The following IMMP2L variants were observed in gnomAD, a reference collection of about 807,000 sequenced individuals.
The protein encoded by IMMP2L is inner mitochondrial membrane peptidase subunit 2, also known as mitochondrial inner membrane protease subunit 2.
IMMP2L carries 18 observed loss-of-function variants against 19.3 expected under a neutral mutation model. The observed-to-expected ratio is 0.93, with a 90% CI of 0.64 to 1.38. The LOEUF is 1.38. IMMP2L is among the 40% of genes most tolerant of loss of function. The probability of loss-of-function intolerance (pLI) is 0.00; values close to 1 mark genes in which losing one functional copy is unlikely to be tolerated. For missense variants in IMMP2L, 233 were observed against 218.2 expected, an observed-to-expected ratio of 1.07 and a Z score of -0.43; for synonymous variants, 76 against 73.0, an observed-to-expected ratio of 1.04 and a Z score of -0.21.
intron 3 of IMMP2L, among the ~76,000 whole-genome samples, chr7:111,479,331 TTTCTAATCC>T (rs1307067287): frequency 6.6e-6 from 1 of 152,170 alleles, no homozygotes; most frequent in Non-Finnish European, 1.5e-5. Context: ...TATATATATT[TTTCTAATCC>T]AGTTTTTTTC....
At chr7:110,908,009 AGT>A (rs1238802523) in intron 4 of IMMP2L, among the ~76,000 whole-genome samples, 8 of 152,176 alleles carry the variant, frequency 5.3e-5, no homozygotes, top group African/African-American at 1.9e-4. Context: ...AAGAGGGAGG[AGT>A]TAAAGACATT....
At chr7:110,880,827 G>A (rs1218339625) in intron 5 of IMMP2L, among the ~76,000 whole-genome samples, 3 of 152,000 alleles carry the variant, frequency 2.0e-5, no homozygotes, top group Admixed American at 6.6e-5. Flanking sequence ...TAATTAAACG[G>A]CCCAAAGGAA....
At chr7:110,977,702 T>C (rs1820845269) in intron 3 of IMMP2L, among the ~76,000 whole-genome samples, 2 of 151,472 alleles carry the variant, frequency 1.3e-5, no homozygotes, top group African/African-American at 4.8e-5. Flanking sequence ...TCTTCCTTTC[T>C]CTCTCTCTCT....
intron 3 of IMMP2L, among the ~76,000 whole-genome samples, chr7:111,243,180 C>G (rs1815351878): frequency 6.6e-6 from 1 of 152,004 alleles, no homozygotes. Flanking sequence ...CCTTGCTCAC[C>G]AGCCATTCAA....
intron 5 of IMMP2L, among the ~76,000 whole-genome samples, chr7:110,884,609 A>G (rs1585135024): frequency 6.6e-6 from 1 of 152,204 alleles, no homozygotes; most frequent in South Asian, 2.1e-4. Context: ...CACGCAATGG[A>G]AACATTTCAT....
intron 3 of IMMP2L, among the ~76,000 whole-genome samples, chr7:111,377,442 T>A (rs1329605083): frequency 6.6e-6 from 1 of 151,984 alleles, no homozygotes; most frequent in African/African-American, 2.4e-5. Context: ...CCCTCTATAA[T>A]ACAGCTCTAT....
intron 3 of IMMP2L, among the ~76,000 whole-genome samples, chr7:110,984,226 A>G (rs1443062907): frequency 6.6e-6 from 1 of 151,920 alleles, no homozygotes; most frequent in Non-Finnish European, 1.5e-5. Flanking sequence ...GTCACGTCAG[A>G]TATCAGATTA....
intron 3 of IMMP2L, among the ~76,000 whole-genome samples, chr7:111,224,484 T>C (rs1812865381): frequency 1.3e-5 from 2 of 152,084 alleles, no homozygotes; most frequent in African/African-American, 4.8e-5. Flanking sequence ...AAAGGTGTTT[T>C]AAATACCATC....
intron 2 of IMMP2L, among the ~76,000 whole-genome samples, chr7:111,506,137 C>T (rs1304513456): frequency 1.3e-5 from 2 of 151,080 alleles, no homozygotes; most frequent in Admixed American, 6.6e-5. Context: ...TCCAGGACTT[C>T]GAGGCTGATT....
intron 3 of IMMP2L, among the ~76,000 whole-genome samples, chr7:111,471,944 C>G (rs1315121294): frequency 6.6e-6 from 1 of 151,950 alleles, no homozygotes; most frequent in Admixed American, 6.6e-5. Context: ...GAAACAAAAC[C>G]CAGACTAGAA....
At chr7:111,171,450 C>G (rs924061759) in intron 3 of IMMP2L, among the ~76,000 whole-genome samples, 2 of 151,034 alleles carry the variant, frequency 1.3e-5, no homozygotes, top group African/African-American at 4.9e-5. Flanking sequence ...CTCTAAAAGC[C>G]CAAAGAGAGA....
chr7:111,409,322 C>T (rs1350758161), intron 3 of IMMP2L, among the ~76,000 whole-genome samples: 1 of 151,240 alleles, frequency 6.6e-6, no homozygotes, highest in Non-Finnish European at 1.5e-5. Context: ...GTTATCAGCC[C>T]ACAGCTAAAA....
intron 3 of IMMP2L, among the ~76,000 whole-genome samples, chr7:111,374,206 A>G (rs1216919400): frequency 1.3e-5 from 2 of 152,120 alleles, no homozygotes; most frequent in Non-Finnish European, 2.9e-5. Context: ...TGCATACTGA[A>G]TAATGTAAAT....
At chr7:110,962,027 A>C (rs982876932) in intron 4 of IMMP2L, among the ~76,000 whole-genome samples, 11 of 151,930 alleles carry the variant, frequency 7.2e-5, no homozygotes, top group African/African-American at 2.4e-4. Context: ...TTTATACTAA[A>C]ACTCATTGAA....
At chr7:111,539,222 GAAAGAAAGA>G (rs1848269783) in intron 1 of IMMP2L, among the ~76,000 whole-genome samples, 1 of 120,974 alleles carries the variant, frequency 8.3e-6, no homozygotes, top group Non-Finnish European at 1.7e-5. Flanking sequence ...AAGAAAGAAA[GAAAGAAAGA>G]AAGAAAGAAA....
Position 111,080,417 on chromosome 7 carries a change from T to C in IMMP2L, c.240-116852A>G, listed in dbSNP as rs190244201. ...GTAAACATACACACACACACGTATA[T>C]ACTTATATACACATGTATATTCTTA... On this transcript the variant is annotated intron_variant, in intron 3 of 5. Coordinates refer to ENST00000405709, the MANE Select transcript of IMMP2L (RefSeq NM_032549.4). Among the ~76,000 whole-genome samples, 5 of 151,882 alleles carry C rather than the reference T, an allele frequency of 3.3e-5. 1 individual carries two copies. Among genetic ancestry groups the C allele is most frequent in the African/African-American group, 1.2e-4 (5 of 41,456 alleles).
At chr7:111,327,355 T>G (rs1170519992) in intron 3 of IMMP2L, among the ~76,000 whole-genome samples, 1 of 151,722 alleles carries the variant, frequency 6.6e-6, no homozygotes, top group East Asian at 1.9e-4. Context: ...TTAACCTGCT[T>G]TATGAGTGTT....
At chr7:111,301,693 A>G (rs147275335) in intron 3 of IMMP2L, among the ~76,000 whole-genome samples, 1,836 of 152,096 alleles carry the variant, frequency 0.012, 39 homozygotes, top group African/African-American at 0.042. Flanking sequence ...TTTCTCCAGC[A>G]TCATTTGTTG....
intron 2 of IMMP2L, among the ~76,000 whole-genome samples, chr7:111,513,575 C>T (rs1366866000): frequency 6.6e-6 from 1 of 152,054 alleles, no homozygotes; most frequent in Non-Finnish European, 1.5e-5. Flanking sequence ...AACAGAACTA[C>T]CAGATGATCT....
Sources: gnomAD v4.1 joint callset for allele counts (sites outside exome capture counted in the v4.1 genomes callset) on GRCh38, gnomAD v4.1.1 for gene constraint, MANE v1.5 for transcripts, NCBI Gene and HGNC (gene_info 2026-07-23, HGNC 2026-07-21) for gene names.